The following C5orf47 variants were observed in gnomAD, a reference collection of about 807,000 sequenced individuals.
The protein encoded by C5orf47 is chromosome 5 open reading frame 47.
Under a neutral mutation model 20.6 loss-of-function variants are expected in C5orf47, and 20 were observed. The ratio of observed to expected loss-of-function variants is 0.97; its 90% CI spans 0.68 to 1.41. C5orf47 has a LOEUF of 1.41. C5orf47 is among the 40% of genes most tolerant of loss of function. C5orf47 has a pLI of 0.00. For missense variants in C5orf47, 262 were observed against 238.4 expected (o/e 1.10, Z -0.65); for synonymous variants, 106 against 97.3 (o/e 1.09, Z -0.53).
chr5:174,008,838 A>AAAAAG (rs1554098552), downstream of C5orf47, among the ~76,000 whole-genome samples: 173 of 150,492 alleles, frequency 1.1e-3, no homozygotes, highest in African/African-American at 4.0e-3. Context: ...AAAAAAAAAA[A>AAAAAG]AAAGAAAGAA....
At chr5:173,996,966 C>T (rs1759109934) in intron 1 of C5orf47, among the ~76,000 whole-genome samples, 1 of 152,154 alleles carries the variant, frequency 6.6e-6, no homozygotes, top group Non-Finnish European at 1.5e-5. Flanking sequence ...AGTGCTATGT[C>T]TGTATGTCTG....
chr5:173,989,176 T>G lies in C5orf47; in HGVS notation c.-88T>G. ...CGCAGGGTGGTCTGGCCCTAACCGCTCCCGCATCCCTCGCCTGCACAGTGG... is the reference window on the plus strand; with the variant it reads ...CGCAGGGTGGTCTGGCCCTAACCGCGCCCGCATCCCTCGCCTGCACAGTGG... On this transcript the variant is annotated 5_prime_UTR_variant, in exon 1 of 5. Coordinates refer to ENST00000340147, the MANE Select transcript of C5orf47 (RefSeq NM_001144954.2). The G allele has an allele frequency of 8.6e-7, 1 of 1,164,698 alleles. No individual in the cohort carries two copies. Among genetic ancestry groups the G allele is most frequent in the Non-Finnish European group, 1.1e-6 (1 of 929,418 alleles). The allele number at this position is 1,164,698 out of a possible 1,614,324, so 72.1% of individuals were successfully genotyped here.
At chr5:173,990,736 C>T (rs979764757) in intron 1 of C5orf47, among the ~76,000 whole-genome samples, 3 of 152,194 alleles carry the variant, frequency 2.0e-5, no homozygotes, top group African/African-American at 7.2e-5. Context: ...CCGCGCCAGG[C>T]CCTCTCTTGG....
rs769235936 is a variant in C5orf47, at chr5:173,990,759, A to G, written c.325+1171A>G. On this transcript the variant is annotated intron_variant, in intron 1 of 4. Transcript: ENST00000340147. The stretch of plus-strand genomic sequence containing the variant: ...GGCCCTCTCTTGGTTTTTCTAAGTC[A>G]GCTTTACTGAGGATTAATTTACGTA... Among the ~76,000 whole-genome samples, 7 of 152,190 alleles carry G rather than the reference A, an allele frequency of 4.6e-5. No homozygotes were observed. The South Asian group carries it at 1.2e-3, about 27-fold the overall frequency.
downstream of C5orf47, among the ~76,000 whole-genome samples, chr5:174,008,277 C>A (rs79564137): frequency 6.6e-6 from 1 of 152,088 alleles, no homozygotes; most frequent in Admixed American, 6.5e-5. Context: ...AATATTGATC[C>A]GGCCCATATA....
chr5:173,994,871 T>C (rs1396578845), intron 1 of C5orf47, among the ~76,000 whole-genome samples: 1 of 152,158 alleles, frequency 6.6e-6, no homozygotes, highest in African/African-American at 2.4e-5. Flanking sequence ...TGGAGTGCAG[T>C]GGTGTGATCT....
intron 4 of C5orf47, among the ~76,000 whole-genome samples, chr5:174,001,866 T>C (rs762792574): frequency 1.2e-4 from 19 of 152,164 alleles, no homozygotes; most frequent in Non-Finnish European, 1.9e-4. Flanking sequence ...TCTGGTTATG[T>C]ACCTCTGGTT....
chr5:173,991,395 A>G (rs1256192642), intron 1 of C5orf47, among the ~76,000 whole-genome samples: 1 of 152,138 alleles, frequency 6.6e-6, no homozygotes, highest in Admixed American at 6.5e-5. Flanking sequence ...TCCTGACCAT[A>G]GGGGAAATGC....
At chr5:173,999,534 T>C (rs754773709) in intron 2 of C5orf47, among the ~76,000 whole-genome samples, 166 bp from the exon 3 acceptor site, 1 of 152,148 alleles carries the variant, frequency 6.6e-6, no homozygotes, top group Non-Finnish European at 1.5e-5. Context: ...TCAGTGATCG[T>C]GGGTAAACAA....
At chr5:174,007,710 A>G (rs1279490828), downstream of C5orf47, among the ~76,000 whole-genome samples, 40 of 152,156 alleles carry the variant, frequency 2.6e-4, no homozygotes. Flanking sequence ...GGTGTGTGCC[A>G]CCACACTCGG....
At chr5:173,998,446 A>G (rs1759138469) in intron 2 of C5orf47, among the ~76,000 whole-genome samples, 1 of 152,232 alleles carries the variant, frequency 6.6e-6, no homozygotes, top group African/African-American at 2.4e-5. Flanking sequence ...TTCCAGTGTT[A>G]TACCAGTGAA....
intron 1 of C5orf47, among the ~76,000 whole-genome samples, chr5:173,995,741 T>C (rs1351926610): frequency 1.3e-5 from 2 of 152,236 alleles, no homozygotes; most frequent in Non-Finnish European, 1.5e-5. Context: ...GTGCTATTTA[T>C]TGAATGAATG....
At chr5:173,993,303 T>A (rs1759031489) in intron 1 of C5orf47, among the ~76,000 whole-genome samples, 1 of 152,178 alleles carries the variant, frequency 6.6e-6, no homozygotes, top group Admixed American at 6.5e-5. Flanking sequence ...TGCTTGCTAT[T>A]GTCTTAAGCT....
At chr5:173,990,334 G>T (rs993931373) in intron 1 of C5orf47, among the ~76,000 whole-genome samples, 8 of 151,932 alleles carry the variant, frequency 5.3e-5, no homozygotes, top group Non-Finnish European at 1.0e-4. Flanking sequence ...TGTTACCCAG[G>T]CTGGTCTCGA....
At chr5:173,997,810 A>G (rs1293449001) in intron 1 of C5orf47, among the ~76,000 whole-genome samples, 1 of 152,142 alleles carries the variant, frequency 6.6e-6, no homozygotes, top group African/African-American at 2.4e-5. Flanking sequence ...CTGGAGTTGC[A>G]CTGAGAAGAA....
downstream of C5orf47, among the ~76,000 whole-genome samples, chr5:174,006,888 A>C (rs140482182): frequency 3.9e-5 from 6 of 152,206 alleles, no homozygotes; most frequent in African/African-American, 1.4e-4. Context: ...TGTGAATTCT[A>C]CTACATTTGT....
downstream of C5orf47, among the ~76,000 whole-genome samples, chr5:174,007,181 AAG>A (rs897195665): frequency 6.2e-4 from 95 of 152,260 alleles, no homozygotes; most frequent in African/African-American, 2.2e-3. Context: ...CTGGTGGAGT[AAG>A]AGTTATCACA....
Position 173,989,318 on chromosome 5 carries a change from A to G in C5orf47, c.55A>G (p.Thr19Ala), listed in dbSNP as rs972269069. 7.0e-7 allele frequency: 1 copy of G among 1,419,076 alleles called. No homozygotes were observed. 87.9% of individuals were successfully genotyped at this position (1,419,076 alleles called of 1,614,324 possible). ...EQDSARFVYV[T>A]RFGSHQCSGV... ...GGACTCGGCGCGCTTCGTCTATGTG[A>G]CGCGCTTCGGCTCGCATCAGTGCAG... The change falls in exon 1 of 5, where the codon ACG (threonine) becomes GCG (alanine). Residue 19 changes from threonine (T) to alanine (A), a missense_variant. Physicochemically the swap from Thr to Ala is moderately conservative, Grantham distance 58. Coordinates refer to ENST00000340147, the MANE Select transcript of C5orf47 (RefSeq NM_001144954.2).
downstream of C5orf47, among the ~76,000 whole-genome samples, chr5:174,006,897 G>T (rs1002889334): frequency 3.3e-5 from 5 of 152,160 alleles, no homozygotes; most frequent in African/African-American, 9.7e-5. Flanking sequence ...TACTACATTT[G>T]TATGAAGCCA....
Sources: gnomAD v4.1 joint callset for allele counts (sites outside exome capture counted in the v4.1 genomes callset) on GRCh38, gnomAD v4.1.1 for gene constraint, MANE v1.5 for transcripts, NCBI Gene and HGNC (gene_info 2026-07-23, HGNC 2026-07-21) for gene names.